The following THBS4 variants were observed in gnomAD, a reference collection of about 807,000 sequenced individuals.
The protein encoded by THBS4 is thrombospondin-4.
THBS4 carries 90 observed loss-of-function variants against 115.7 expected under a neutral mutation model. That is an observed-to-expected ratio of 0.78 (90% CI 0.66 to 0.93). The LOEUF (loss-of-function observed/expected upper bound fraction) is 0.93, where lower values mean the gene tolerates loss of function less well. Ranked by LOEUF, THBS4 falls within the 40% of genes least tolerant of loss-of-function variation. THBS4 has a pLI of 0.00. For missense variants in THBS4, 1,087 were observed against 1,232.7 expected (o/e 0.88, Z 1.77); for synonymous variants, 460 against 479.3 (o/e 0.96, Z 0.53).
chr5:80,078,345 C>G (rs1396210054), intron 17 of THBS4, 118 bp downstream of exon 17: 3 of 859,492 alleles, frequency 3.5e-6, no homozygotes, highest in Non-Finnish European at 5.0e-6. Flanking sequence ...CACATTCGCT[C>G]TTATTCCTCA....
In THBS4 at chr5:80,082,434, G is replaced by A. The variant is rs1262484906; in HGVS notation, c.2713G>A (p.Val905Met). The change falls in exon 21 of 22, where the codon GTG becomes ATG. Residue 905 changes from valine to methionine, a missense_variant. By Grantham distance (21) the Val-to-Met change is conservative. Around this residue, in one of 3 missense-constraint regions of THBS4, gnomAD observed 103 missense variants for 108.2 expected, o/e 0.95. Coordinates refer to ENST00000350881, the MANE Select transcript of THBS4 (RefSeq NM_003248.6). ...ACGATTTTATGAAGGCTCTGAGTTG[G>A]TGGCTGACTCTGGCGTCACCATAGA... The part of the protein sequence containing the change: ...RVRFYEGSEL[V>M]ADSGVTIDTT... 10 of 1,614,060 alleles carry A rather than the reference G, an allele frequency of 6.2e-6. No individual in the cohort carries two copies. The highest frequency in any genetic ancestry group is 7.6e-6 in the Non-Finnish European group (9 of 1,180,006).
intron 20 of THBS4, 195 bp downstream of exon 20, chr5:80,080,272 C>T (rs558397532): frequency 6.3e-6 from 4 of 636,932 alleles, no homozygotes; most frequent in Non-Finnish European, 1.1e-5. Flanking sequence ...ACCACCCGGA[C>T]AGGACAGTAG....
At chr5:80,066,975 C>T (rs1833850979) in intron 9 of THBS4, 1 of 152,138 alleles carries the variant, frequency 6.6e-6, no homozygotes, top group Non-Finnish European at 1.5e-5. Context: ...GATTTGGCAA[C>T]TAAGAGGTTG....
upstream of THBS4, among the ~76,000 whole-genome samples, chr5:80,033,498 A>C (rs1313445187): frequency 6.6e-6 from 1 of 152,244 alleles, no homozygotes; most frequent in African/African-American, 2.4e-5. Context: ...AGCTAGAATC[A>C]TGGTGGACCC....
chr5:80,053,850 T>C (rs549502043), intron 2 of THBS4, among the ~76,000 whole-genome samples: 2 of 152,268 alleles, frequency 1.3e-5, no homozygotes, highest in South Asian at 2.1e-4. Context: ...GAATGGTACC[T>C]GTGGATGCAC....
chr5:80,062,831 A>G (rs1173499813), intron 8 of THBS4, among the ~76,000 whole-genome samples: 1 of 152,202 alleles, frequency 6.6e-6, no homozygotes, highest in African/African-American at 2.4e-5. Context: ...GATGGTTTCT[A>G]GCTTCATCCA....
chr5:80,053,593 C>G (rs1833322477), intron 2 of THBS4, among the ~76,000 whole-genome samples: 3 of 148,462 alleles, frequency 2.0e-5, no homozygotes. Context: ...GCTTTCCCAC[C>G]CTGGGACAGC....
At chr5:80,040,000 C>A in intron 1 of THBS4, 77 bp from the exon 2 acceptor site, 3 of 1,288,620 alleles carry the variant, frequency 2.3e-6, no homozygotes, top group Non-Finnish European at 3.4e-6. Context: ...CAAATTGCAC[C>A]CCCCCCAAAC....
intron 1 of THBS4, among the ~76,000 whole-genome samples, chr5:79,991,805 C>G (rs1272102080): frequency 2.0e-5 from 3 of 152,224 alleles, no homozygotes; most frequent in Non-Finnish European, 4.4e-5. Context: ...CTTCCCTATG[C>G]AGCTGCTCCC....
chr5:80,006,982 T>C (rs985581198), intron 2 of THBS4, among the ~76,000 whole-genome samples: 7 of 152,346 alleles, frequency 4.6e-5, no homozygotes, highest in Admixed American at 2.0e-4. Flanking sequence ...CAGGCACTCT[T>C]CTAGATGCCT....
At chr5:80,065,545 A>T in intron 9 of THBS4, 68 bp downstream of exon 9, 7 of 1,461,766 alleles carry the variant, frequency 4.8e-6, no homozygotes, top group Non-Finnish European at 6.7e-6. Flanking sequence ...ATGTTTATAG[A>T]TCATAGCTTC....
intron 11 of THBS4, 27 bp from the exon 12 acceptor site, chr5:80,070,616 C>A: frequency 6.3e-7 from 1 of 1,596,170 alleles, no homozygotes; most frequent in Non-Finnish European, 8.6e-7. Context: ...TGTAGGATGT[C>A]ACTCGGAACT....
At chr5:80,040,504 TG>T (rs1832865931) in intron 2 of THBS4, among the ~76,000 whole-genome samples, 1 of 152,194 alleles carries the variant, frequency 6.6e-6, no homozygotes, top group East Asian at 1.9e-4. Flanking sequence ...AAAGAATTGC[TG>T]TGACCAAGAT....
chr5:79,991,745 G>A (rs987066149), intron 1 of THBS4, among the ~76,000 whole-genome samples: 7 of 152,176 alleles, frequency 4.6e-5, no homozygotes, highest in African/African-American at 7.2e-5. Context: ...CTGAACGTCA[G>A]GTAAATTGTG....
chr5:80,030,588 C>T (rs532156349), upstream of THBS4, among the ~76,000 whole-genome samples: 136 of 152,220 alleles, frequency 8.9e-4, no homozygotes, highest in Non-Finnish European at 1.8e-3. Flanking sequence ...AGGCTGGTCT[C>T]GAACTCCTGA....
chr5:80,031,544 A>G (rs1832586744), upstream of THBS4, among the ~76,000 whole-genome samples: 1 of 152,260 alleles, frequency 6.6e-6, no homozygotes, highest in African/African-American at 2.4e-5. Flanking sequence ...TCTGGAGTCA[A>G]CTAAACAGCT....
intron 2 of THBS4, among the ~76,000 whole-genome samples, chr5:80,011,284 T>TC (rs61334300): frequency 0.018 from 2,739 of 152,218 alleles, 81 homozygotes; most frequent in African/African-American, 0.062. Context: ...AATTACCCAG[T>TC]CCCATGTATG....
At chr5:80,060,870 C>T (rs1314880565) in intron 7 of THBS4, among the ~76,000 whole-genome samples, 1 of 152,216 alleles carries the variant, frequency 6.6e-6, no homozygotes, top group Admixed American at 6.5e-5. Flanking sequence ...TCTCCTCCCA[C>T]CCAGCCCAAG....
Position 80,035,703 on chromosome 5 carries a change from G to T in THBS4, c.88+78G>T, listed in dbSNP as rs1334454939. 2.9e-6 allele frequency: 3 copies of T among 1,039,232 alleles called. No individual in the cohort carries two copies. The highest frequency in any genetic ancestry group is 3.3e-5 in the South Asian group (1 of 30,150). 64.4% of individuals were successfully genotyped at this position (1,039,232 alleles called of 1,614,324 possible). A position where few individuals can be genotyped will look rare whatever the true frequency, so the allele number is the denominator to read the frequency against. ...GCTGAGTGAGTGGAGGGACTTGCTC[G>T]GCCCTGTGCTCCTGTGGCCTTGCTC... is the stretch of plus-strand genomic sequence containing the variant. On this transcript the variant is annotated intron_variant, in intron 1 of 21. Coordinates refer to ENST00000350881, the MANE Select transcript of THBS4 (RefSeq NM_003248.6). This position sits in a 1 kb window ranked among gnomAD's most constrained non-coding sequence, Gnocchi z 4.6.
Sources: allele counts gnomAD v4.1 joint callset (sites outside exome capture counted in the v4.1 genomes callset), GRCh38; gene constraint gnomAD v4.1.1; regional missense constraint gnomAD v4.1.1; non-coding constraint Gnocchi (gnomAD v3.1); transcripts MANE v1.5; gene names NCBI Gene and HGNC (gene_info 2026-07-23, HGNC 2026-07-21).